The following EFCAB14 variants were observed in gnomAD, a reference collection of about 807,000 sequenced individuals.
EFCAB14 encodes the protein EF-hand calcium binding domain 14.
A neutral mutation model predicts 56.5 loss-of-function variants in EFCAB14; 43 were observed. That is an observed-to-expected ratio of 0.76 (90% CI 0.60 to 0.98). The LOEUF (loss-of-function observed/expected upper bound fraction) is 0.98. EFCAB14 is among the 50% of genes least tolerant of loss of function. The pLI, the probability that EFCAB14 is intolerant of heterozygous loss-of-function variation, is 0.00. For missense variants in EFCAB14, 538 were observed against 580.3 expected (o/e 0.93, Z 0.75); for synonymous variants, 235 against 212.9 (o/e 1.10, Z -0.90).
At chr1:46,678,704 T>A in intron 10 of EFCAB14, 68 bp from the exon 11 acceptor site, 3 of 1,426,066 alleles carry the variant, frequency 2.1e-6, no homozygotes, top group Non-Finnish European at 1.9e-6. Flanking sequence ...AAAAGTAGTC[T>A]CAACTGAATT....
In EFCAB14 at chr1:46,677,622, G is replaced by A; in HGVS notation, c.*839C>T. On this transcript the variant is annotated 3_prime_UTR_variant, in exon 11 of 11. Coordinates refer to ENST00000371933, the MANE Select transcript of EFCAB14 (RefSeq NM_014774.3). ...GGAAGGCAATCTAGCTCACTCAGCA[G>A]GGAAAATGGAGCTCCCCAATGGATA... 1 of 152,112 alleles carries A rather than the reference G, an allele frequency of 6.6e-6. No homozygotes were observed. 9.4% of individuals were successfully genotyped at this position (152,112 alleles called of 1,614,324 possible).
chr1:46,709,565 G>A (rs930195552), intron 2 of EFCAB14, among the ~76,000 whole-genome samples: 1 of 152,162 alleles, frequency 6.6e-6, no homozygotes, highest in African/African-American at 2.4e-5. Context: ...TCTAACTTGG[G>A]TATGCATTTC....
In EFCAB14 at chr1:46,688,382, C is replaced by T; in HGVS notation, c.958G>A (p.Glu320Lys). 1.2e-6 allele frequency: 2 copies of T among 1,613,914 alleles called. No homozygotes were observed. Residue 320 changes from glutamate to lysine, a missense_variant, in exon 7 of 11, where the codon GAA becomes AAA. Physicochemically the swap from Glu to Lys is moderately conservative, Grantham distance 56. Coordinates refer to ENST00000371933, the MANE Select transcript of EFCAB14 (RefSeq NM_014774.3). ...CTGAAGGACAGGTTTGCTTTCTTTTCTACCTTGCTCATAGCAACCACATCG... is the reference window on the plus strand; with the variant it reads ...CTGAAGGACAGGTTTGCTTTCTTTTTTACCTTGCTCATAGCAACCACATCG... Reference protein sequence around the residue: ...ESDVVAMSKVEKKANLSFSMM... With the variant: ...ESDVVAMSKVKKKANLSFSMM...
intron 1 of EFCAB14, among the ~76,000 whole-genome samples, chr1:46,717,466 T>C (rs995441931): frequency 7.9e-5 from 12 of 152,188 alleles, no homozygotes; most frequent in Non-Finnish European, 8.8e-5. Context: ...TCCTACAGTA[T>C]ATCTCTCACC....
Position 46,718,052 on chromosome 1 carries a change from A to C in EFCAB14, c.36T>G (p.Gly12=). The change falls in exon 1 of 11, where the codon GGT becomes GGG. Residue 12 remains glycine, a synonymous_variant. Coordinates refer to ENST00000371933, the MANE Select transcript of EFCAB14 (RefSeq NM_014774.3). ...TCTTTCTCCGGCTGTCCCCAGCCAA[A>C]CCAATCAATGCATTGAGCTCTTTGC... The part of the protein sequence containing the change: ...KKRKELNALI[G]LAGDSRRKKP... 1 of 1,614,164 alleles carries C rather than the reference A, an allele frequency of 6.2e-7. No homozygotes were observed. Among genetic ancestry groups the C allele is most frequent in the Non-Finnish European group, 8.5e-7 (1 of 1,180,024 alleles).
intron 10 of EFCAB14, 79 bp from the exon 11 acceptor site, chr1:46,678,715 T>A: frequency 1.5e-6 from 2 of 1,350,400 alleles, no homozygotes; most frequent in Non-Finnish European, 9.9e-7. Flanking sequence ...CAACTGAATT[T>A]AAAACACTAA....
Position 46,678,240 on chromosome 1 carries a change from T to C in EFCAB14, c.*221A>G, listed in dbSNP as rs565672109. ...CTGGCAATTTTAAAATGTAAGATCT[T>C]ACTGGTTGTAGGAAATCATAGATTT... On this transcript the variant is annotated 3_prime_UTR_variant, in exon 11 of 11. Transcript: ENST00000371933. The C allele has an allele frequency of 2.4e-6, 1 of 410,170 alleles. No homozygotes were observed. The highest frequency in any genetic ancestry group is 4.3e-6 in the Non-Finnish European group (1 of 235,268). The allele number at this position is 410,170 out of a possible 1,614,324, so 25.4% of individuals were successfully genotyped here.
At chr1:46,692,135 A>T (rs1347834562) in intron 4 of EFCAB14, 198 bp from the exon 5 acceptor site, 1 of 436,806 alleles carries the variant, frequency 2.3e-6, no homozygotes, top group African/African-American at 2.0e-5. Flanking sequence ...TCCCTTGCCG[A>T]TCGTTCCCAG....
chr1:46,680,935 T>C (rs1414587044), intron 10 of EFCAB14, among the ~76,000 whole-genome samples: 1 of 152,158 alleles, frequency 6.6e-6, no homozygotes, highest in Non-Finnish European at 1.5e-5. Context: ...CTCAAGGGCC[T>C]CATCACAAAC....
intron 7 of EFCAB14, 82 bp from the exon 8 acceptor site, chr1:46,686,952 C>G: frequency 1.6e-6 from 2 of 1,277,726 alleles, no homozygotes; most frequent in Non-Finnish European, 2.2e-6. Flanking sequence ...CACTTTTAAA[C>G]AAATTCGTCA....
At chr1:46,697,758 G>C (rs1677096796) in intron 3 of EFCAB14, among the ~76,000 whole-genome samples, 1 of 152,076 alleles carries the variant, frequency 6.6e-6, no homozygotes, top group Non-Finnish European at 1.5e-5. Flanking sequence ...TGCTCTCATG[G>C]AGCATACATC....
intron 3 of EFCAB14, among the ~76,000 whole-genome samples, chr1:46,705,321 G>T (rs184936144): frequency 6.6e-6 from 1 of 152,334 alleles, no homozygotes; most frequent in East Asian, 1.9e-4. Context: ...TGCTGAAATG[G>T]AAAGGGTTTC....
rs918950448 is a variant in EFCAB14, at chr1:46,708,718, C to A, written c.335-667G>T. Among the ~76,000 whole-genome samples, 6 of 151,968 alleles carry A rather than the reference C, an allele frequency of 3.9e-5. No homozygotes were observed. The East Asian group carries it at 1.2e-3, about 29-fold the overall frequency. ...TATTTTCTTAAGTCTTAAATCACCC[C>A]AAAACTCAAAATGAAATAGAAGATA... On this transcript the variant is annotated intron_variant, in intron 2 of 10. Transcript: ENST00000371933.
At chr1:46,693,630 C>T (rs1677032891) in intron 4 of EFCAB14, among the ~76,000 whole-genome samples, 2 of 152,196 alleles carry the variant, frequency 1.3e-5, no homozygotes. Flanking sequence ...CCAATCCTCA[C>T]TGGCTGGATG....
At chr1:46,688,586 G>A (rs759496133) in intron 6 of EFCAB14, 42 bp from the exon 7 acceptor site, 10 of 1,565,692 alleles carry the variant, frequency 6.4e-6, no homozygotes, top group East Asian at 2.3e-5. Context: ...CACTAAAGAC[G>A]TAAATTAGAC....
At chr1:46,689,533 C>T (rs956737940) in intron 6 of EFCAB14, 54 bp downstream of exon 6, 13 of 1,556,884 alleles carry the variant, frequency 8.4e-6, no homozygotes, top group Non-Finnish European at 1.2e-5. Flanking sequence ...AACTATTTGG[C>T]TGCCTCTGCA....
In EFCAB14 at chr1:46,698,822, T is replaced by C. The variant is rs1433368365; in HGVS notation, c.481-2173A>G. Reference sequence around the variant, plus strand: ...TAAACCAGAACAAGCACATGGGTTTTACTTGAGGTGTGATAGGCAGGGGTG... The same window carrying C: ...TAAACCAGAACAAGCACATGGGTTTCACTTGAGGTGTGATAGGCAGGGGTG... On this transcript the variant is annotated intron_variant, in intron 3 of 10. Coordinates refer to ENST00000371933, the MANE Select transcript of EFCAB14 (RefSeq NM_014774.3). Among the ~76,000 whole-genome samples the C allele has an allele frequency of 2.0e-5, 3 of 152,184 alleles. No homozygotes were observed. In the East Asian group the frequency reaches 5.8e-4, roughly 29 times the overall value.
chr1:46,715,062 T>C (rs1677366663), intron 2 of EFCAB14, among the ~76,000 whole-genome samples: 1 of 152,204 alleles, frequency 6.6e-6, no homozygotes, highest in Non-Finnish European at 1.5e-5. Context: ...GGTATTTAAA[T>C]GTTTTTTTCT....
In EFCAB14 at chr1:46,678,537, T is replaced by C; in HGVS notation, c.1412A>G (p.Glu471Gly). 1 of 1,614,192 alleles carries C rather than the reference T, an allele frequency of 6.2e-7. No homozygotes were observed. The highest frequency in any genetic ancestry group is 1.3e-5 in the African/African-American group (1 of 75,050). Reference protein sequence around the residue: ...TSLGSAMPEPESLRAFDSDGD... With the variant: ...TSLGSAMPEPGSLRAFDSDGD... ...ATCGGAATCAAATGCTCTCAAGCTCTCTGGTTCTGGCATAGCAGAACCTAG... is the reference window on the plus strand; with the variant it reads ...ATCGGAATCAAATGCTCTCAAGCTCCCTGGTTCTGGCATAGCAGAACCTAG... Residue 471 changes from glutamate to glycine, a missense_variant, in exon 11 of 11, where the codon GAG (glutamate) becomes GGG (glycine). Transcript: ENST00000371933.
Sources: allele counts gnomAD v4.1 joint callset (sites outside exome capture counted in the v4.1 genomes callset), GRCh38; gene constraint gnomAD v4.1.1; transcripts MANE v1.5; gene names NCBI Gene and HGNC (gene_info 2026-07-23, HGNC 2026-07-21).